Variants in CSMD2 observed in about 807,000 individuals in gnomAD.
The protein encoded by CSMD2 is CUB and Sushi multiple domains 2, also known as CUB and sushi domain-containing protein 2.
In CSMD2, 130 loss-of-function variants were observed where a neutral mutation model predicts 398.5. The ratio of observed to expected loss-of-function variants is 0.33; its 90% confidence interval spans 0.28 to 0.38. CSMD2 has a LOEUF of 0.38. CSMD2 is among the 10% of genes least tolerant of loss of function. The probability of loss-of-function intolerance (pLI) is 1.00; values close to 1 mark genes in which losing one functional copy is unlikely to be tolerated. For missense variants in CSMD2, 3,829 were observed against 4,764.9 expected (o/e 0.80, Z 5.78); for synonymous variants, 1,828 against 1,908.5 (o/e 0.96, Z 1.10).
intron 2 of CSMD2, among the ~76,000 whole-genome samples, chr1:34,082,031 G>A (rs1657224854): frequency 6.6e-6 from 1 of 150,938 alleles, no homozygotes; most frequent in Non-Finnish European, 1.5e-5. Flanking sequence ...GGGAAGTGAG[G>A]AGCGCCTCTT....
At position 34,119,961 on chromosome 1, in the gene CSMD2, T is replaced by C. The variant is rs114252240; in HGVS notation, c.188-30768A>G. 9.7e-3 allele frequency among the ~76,000 whole-genome samples: 1,483 copies of C among 152,358 alleles called. 22 individuals carry two copies. The highest frequency in any genetic ancestry group is 0.034 in the African/African-American group (1,424 of 41,586). On this transcript the variant is annotated intron_variant, in intron 1 of 70. Coordinates refer to ENST00000373381, the MANE Select transcript of CSMD2 (RefSeq NM_001281956.2). ...TGAAAACAGGATCTCTAAGAGATAT[T>C]TGTATACCAATGTTCATTGCAGCAA...
At chr1:34,039,535 A>G (rs989811776) in intron 2 of CSMD2, among the ~76,000 whole-genome samples, 21 of 152,244 alleles carry the variant, frequency 1.4e-4, no homozygotes, top group Non-Finnish European at 2.6e-4. Flanking sequence ...TGAGGCCAAC[A>G]GATCAGAAGA....
intron 2 of CSMD2, among the ~76,000 whole-genome samples, chr1:34,084,146 G>A (rs1306575461): frequency 6.6e-6 from 1 of 152,124 alleles, no homozygotes; most frequent in Non-Finnish European, 1.5e-5. Flanking sequence ...ATGGCTGGTT[G>A]GCCAGGAATG....
intron 5 of CSMD2, among the ~76,000 whole-genome samples, chr1:33,904,227 A>C (rs1642936145): frequency 6.6e-6 from 1 of 152,224 alleles, no homozygotes; most frequent in Non-Finnish European, 1.5e-5. Flanking sequence ...AAGGCCCCCG[A>C]GCAGCCCAAA....
chr1:34,106,060 G>C (rs1660493584), intron 1 of CSMD2, among the ~76,000 whole-genome samples: 1 of 152,196 alleles, frequency 6.6e-6, no homozygotes, highest in African/African-American at 2.4e-5. Context: ...GGATGGCTTA[G>C]TTCCAGGGTT....
At chr1:33,899,039 G>GA (rs1642580123) in intron 5 of CSMD2, among the ~76,000 whole-genome samples, 2 of 152,190 alleles carry the variant, frequency 1.3e-5, no homozygotes, top group Non-Finnish European at 2.9e-5. Flanking sequence ...AACACTAAAT[G>GA]AAAAGGGTTA....
At chr1:33,573,882 C>T (rs1659827525) in intron 49 of CSMD2, among the ~76,000 whole-genome samples, 1 of 152,060 alleles carries the variant, frequency 6.6e-6, no homozygotes, top group Admixed American at 6.6e-5. Context: ...AGTCCAGAGA[C>T]ACACAGGCAT....
chr1:34,116,016 G>A (rs1042566290), intron 1 of CSMD2, among the ~76,000 whole-genome samples: 2 of 151,730 alleles, frequency 1.3e-5, no homozygotes, highest in Non-Finnish European at 2.9e-5. Flanking sequence ...AAACACAAAG[G>A]AATGTAGCAA....
chr1:33,740,313 C>G (rs1349720269), intron 14 of CSMD2, among the ~76,000 whole-genome samples: 1 of 106,328 alleles, frequency 9.4e-6, no homozygotes, highest in East Asian at 2.5e-4. Flanking sequence ...CACCCCGAAG[C>G]CAGGCTCTAT....
chr1:34,044,322 C>T (rs970006624), intron 2 of CSMD2, among the ~76,000 whole-genome samples: 49 of 152,186 alleles, frequency 3.2e-4, no homozygotes, highest in African/African-American at 1.1e-3. Context: ...AAATAAAATG[C>T]GTAGGAGGAC....
intron 21 of CSMD2, among the ~76,000 whole-genome samples, chr1:33,714,129 C>T (rs1646081997): frequency 1.3e-5 from 2 of 152,164 alleles, no homozygotes; most frequent in African/African-American, 2.4e-5. Flanking sequence ...TAAGAGTGAG[C>T]ACCGCCATTG....
intron 13 of CSMD2, among the ~76,000 whole-genome samples, chr1:33,757,022 C>T (rs201764751): frequency 0.017 from 2,516 of 151,426 alleles, 28 homozygotes; most frequent in South Asian, 0.026. Context: ...ATGGATGAAA[C>T]TGGAAATCAT....
intron 5 of CSMD2, among the ~76,000 whole-genome samples, chr1:33,850,360 G>C (rs145461112): frequency 1.3e-5 from 2 of 152,162 alleles, no homozygotes; most frequent in South Asian, 4.2e-4. Context: ...CCACCTGGCT[G>C]CACAGAGAGG....
At chr1:34,055,133 C>T (rs1230201565) in intron 2 of CSMD2, among the ~76,000 whole-genome samples, 1 of 152,080 alleles carries the variant, frequency 6.6e-6, no homozygotes, top group East Asian at 1.9e-4. Flanking sequence ...CAGCAGTCAT[C>T]CACTCTCTCC....
At chr1:34,098,180 G>A (rs1371917442) in intron 1 of CSMD2, among the ~76,000 whole-genome samples, 9 of 128,672 alleles carry the variant, frequency 7.0e-5, no homozygotes, top group South Asian at 2.8e-4. Flanking sequence ...ACCAAACACC[G>A]CATATTCTCA....
At chr1:33,845,653 G>A (rs1661281627) in intron 6 of CSMD2, among the ~76,000 whole-genome samples, 1 of 152,214 alleles carries the variant, frequency 6.6e-6, no homozygotes, top group Admixed American at 6.5e-5. Context: ...CTCCAAGAAA[G>A]CTCTCAGGGT....
Position 34,154,593 on chromosome 1 carries a change from T to C in CSMD2, c.187+10318A>G, listed in dbSNP as rs185646492. The stretch of plus-strand genomic sequence containing the variant: ...ACTGACTAGGTACACTCAATGAGCA[T>C]GGTGAGATATGCAAAATATGGAGTT... On this transcript the variant is annotated intron_variant, in intron 1 of 70. Transcript: ENST00000373381. Among the ~76,000 whole-genome samples the C allele has an allele frequency of 3.9e-4, 60 of 152,322 alleles. 1 individual carries two copies. The highest frequency in any genetic ancestry group is 2.1e-3 in the South Asian group (10 of 4,822).
At chr1:33,656,120 AAAG>A (rs1643938331) in intron 27 of CSMD2, among the ~76,000 whole-genome samples, 3 of 152,170 alleles carry the variant, frequency 2.0e-5, no homozygotes, top group African/African-American at 7.2e-5. Context: ...TGAAGACTTG[AAAG>A]AAGGAATCGA....
rs533650977 is a variant in CSMD2, at chr1:34,074,650, G to A, written c.404+14327C>T. Among the ~76,000 whole-genome samples, 388 of 152,306 alleles carry A rather than the reference G, an allele frequency of 2.5e-3. 1 individual carries two copies. The highest frequency in any genetic ancestry group is 3.5e-3 in the Non-Finnish European group (240 of 68,032). On this transcript the variant is annotated intron_variant, in intron 2 of 70. Coordinates refer to ENST00000373381, the MANE Select transcript of CSMD2 (RefSeq NM_001281956.2). ...CTGTTAGGCCCTGGAGAGCTACAAT[G>A]AAAAGTAAAAGAGAAAGAGTTCTTG... is the stretch of plus-strand genomic sequence containing the variant.
Sources: gnomAD v4.1 joint callset for allele counts (sites outside exome capture counted in the v4.1 genomes callset) on GRCh38, gnomAD v4.1.1 for gene constraint, MANE v1.5 for transcripts, NCBI Gene and HGNC (gene_info 2026-07-23, HGNC 2026-07-21) for gene names.